Variants in ZNF714 observed in about 807,000 individuals in gnomAD.
The protein encoded by ZNF714 is zinc finger protein 714.
A neutral mutation model predicts 46.2 loss-of-function variants in ZNF714; 32 were observed. That is an observed-to-expected ratio of 0.69 (90% CI 0.52 to 0.93). The LOEUF (loss-of-function observed/expected upper bound fraction) is 0.93. Ranked by LOEUF, ZNF714 falls within the 40% of genes least tolerant of loss-of-function variation. The probability of loss-of-function intolerance (pLI) is 0.00; values close to 1 mark genes in which losing one functional copy is unlikely to be tolerated. For synonymous variants in ZNF714, 199 were observed against 213.1 expected (o/e 0.93, Z 0.58); for missense variants, 635 against 646.3 (o/e 0.98, Z 0.19).
At chr19:21,095,373 T>C (rs1320511071) in intron 2 of ZNF714, among the ~76,000 whole-genome samples, 1 of 152,140 alleles carries the variant, frequency 6.6e-6, no homozygotes, top group Non-Finnish European at 1.5e-5. Context: ...TCACCACCTG[T>C]TTCTTTGTTG....
rs961036136 is a variant in ZNF714 at position 21,119,163 on chromosome 19, G to T, written c.*831G>T. 28 of 442,926 alleles carry T rather than the reference G, an allele frequency of 6.3e-5. No individual in the cohort carries two copies. The highest frequency in any genetic ancestry group is 5.8e-4 in the African/African-American group (28 of 48,694). 27.4% of individuals were successfully genotyped at this position (442,926 alleles called of 1,614,324 possible). A position where few individuals can be genotyped will look rare whatever the true frequency, so the allele number is the denominator to read the frequency against. On this transcript the variant is annotated 3_prime_UTR_variant, in exon 5 of 5. Transcript: ENST00000456283. Reference sequence around the variant, plus strand: ...CTCAGGCCTATAATCCCAGCACTTTGGTAGGCCAAGGCAGGTGGATCATGA... The same window carrying T: ...CTCAGGCCTATAATCCCAGCACTTTTGTAGGCCAAGGCAGGTGGATCATGA...
In ZNF714 at chr19:21,123,578, A is replaced by G. The variant is rs1969745063; in HGVS notation, c.*5246A>G. Among the ~76,000 whole-genome samples the G allele has an allele frequency of 6.6e-6, 1 of 152,004 alleles. No individual in the cohort carries two copies. The highest frequency in any genetic ancestry group is 6.5e-5 in the Admixed American group (1 of 15,274). On this transcript the variant is annotated 3_prime_UTR_variant, in exon 5 of 5. Coordinates refer to ENST00000456283, the MANE Select transcript of ZNF714 (RefSeq NM_182515.4). ...CACCATGTTAGCCAGGATGGTCTCA[A>G]TCTCCTGACCTCGTGATCCGCCCGC... is the stretch of plus-strand genomic sequence containing the variant.
intron 2 of ZNF714, among the ~76,000 whole-genome samples, chr19:21,087,935 TC>T (rs1968820779): frequency 1.3e-5 from 2 of 152,238 alleles, no homozygotes; most frequent in Admixed American, 1.3e-4. Context: ...CAATGTTAAC[TC>T]TTAGCAACTT....
chr19:21,117,787 G>A lies in ZNF714; in HGVS notation c.1123G>A (p.Gly375Ser), dbSNP rs368728981. The A allele has an allele frequency of 2.5e-6, 4 of 1,613,374 alleles. No homozygotes were observed. Among genetic ancestry groups the A allele is most frequent in the Non-Finnish European group, 1.7e-6 (2 of 1,179,946 alleles). The change falls in exon 5 of 5, where the codon GGC becomes AGC. Residue 375 changes from glycine (G) to serine (S), a missense_variant. Transcript: ENST00000456283. ...GAAACCCTACAAATGTGAAGAATGTGGCAAAGCCTTTAACCACTCCTCAAA... is the reference window on the plus strand; with the variant it reads ...GAAACCCTACAAATGTGAAGAATGTAGCAAAGCCTTTAACCACTCCTCAAA... ...GEKPYKCEEC[G>S]KAFNHSSKLT...
At chr19:21,107,601 T>C (rs1201464052) in intron 4 of ZNF714, among the ~76,000 whole-genome samples, 1 of 139,872 alleles carries the variant, frequency 7.1e-6, no homozygotes, top group African/African-American at 3.4e-5. Context: ...ATATTGAATT[T>C]GTTTCCCACT....
rs148951008 is a variant in ZNF714 at position 21,117,907 on chromosome 19, C to G, written c.1243C>G (p.His415Asp). The part of the protein sequence containing the change: ...AFNQSSNLTK[H>D]KIIHTGEKLY... ...TAACCAATCCTCAAACCTTACCAAA[C>G]ATAAGATAATTCATACTGGAGAGAA... The change falls in exon 5 of 5, where the codon CAT becomes GAT. Residue 415 changes from histidine to aspartate, a missense_variant. By Grantham distance (81) the His-to-Asp change is moderately conservative (BLOSUM62 -1). Coordinates refer to ENST00000456283, the MANE Select transcript of ZNF714 (RefSeq NM_182515.4). The G allele has an allele frequency of 1.2e-6, 2 of 1,613,028 alleles. No individual in the cohort carries two copies. The highest frequency in any genetic ancestry group is 2.2e-5 in the South Asian group (2 of 91,044).
chr19:21,095,497 C>T (rs968890624), intron 2 of ZNF714, among the ~76,000 whole-genome samples: 2 of 151,466 alleles, frequency 1.3e-5, no homozygotes, highest in Non-Finnish European at 1.5e-5. Flanking sequence ...GAGTCTCGCT[C>T]TGTCACCCAG....
rs988846857 is a variant in ZNF714, at chr19:21,082,203, GTC to G, written c.-317_-316del. 2.5e-5 allele frequency: 22 copies of G among 869,444 alleles called. No homozygotes were observed. In the African/African-American group the frequency reaches 3.5e-4, roughly 14 times the overall value. 53.9% of individuals were successfully genotyped at this position (869,444 alleles called of 1,614,324 possible). ...GCTTCGGGGATGTGGCGGGGCCTTT[GTC>G]TCTCGCTGCAGCTGGAGCTGCAGGT... On this transcript the variant is annotated 5_prime_UTR_variant, in exon 1 of 5. Coordinates refer to ENST00000456283, the MANE Select transcript of ZNF714 (RefSeq NM_182515.4).
At chr19:21,088,473 A>C (rs2144823968) in intron 2 of ZNF714, among the ~76,000 whole-genome samples, 1 of 152,302 alleles carries the variant, frequency 6.6e-6, no homozygotes, top group African/African-American at 2.4e-5. Context: ...AAAGTCAAAG[A>C]ACCAATTTAT....
At chr19:21,082,376 G>GA in intron 1 of ZNF714, 28 bp downstream of exon 1, 3 of 1,456,712 alleles carry the variant, frequency 2.1e-6, no homozygotes, top group Non-Finnish European at 2.8e-6. Context: ...GACATCCCGA[G>GA]AGAGGGGAAG....
intron 2 of ZNF714, among the ~76,000 whole-genome samples, chr19:21,097,544 T>G (rs1200409293): frequency 6.6e-6 from 1 of 152,098 alleles, no homozygotes; most frequent in East Asian, 1.9e-4. Context: ...ACTATCACAT[T>G]TAATCTGGCA....
At position 21,117,915 on chromosome 19, in the gene ZNF714, A is replaced by G. The variant is rs371197928; in HGVS notation, c.1251A>G (p.Ile417Met). 8.4e-5 allele frequency: 136 copies of G among 1,612,942 alleles called. No homozygotes were observed. In the African/African-American group the frequency reaches 1.7e-3, roughly 20 times the overall value. ...NQSSNLTKHK[I>M]IHTGEKLYKC... is the part of the protein sequence containing the mutation. Reference sequence around the variant, plus strand: ...CCTCAAACCTTACCAAACATAAGATAATTCATACTGGAGAGAAACTCTACA... The same window carrying G: ...CCTCAAACCTTACCAAACATAAGATGATTCATACTGGAGAGAAACTCTACA... The change falls in exon 5 of 5, where the codon ATA becomes ATG. Residue 417 changes from isoleucine (I) to methionine (M), a missense_variant. Physicochemically the swap from Ile to Met is conservative, Grantham distance 10 (BLOSUM62 1). Transcript: ENST00000456283.
intron 2 of ZNF714, among the ~76,000 whole-genome samples, chr19:21,087,897 G>GT (rs1599527608): frequency 6.6e-6 from 1 of 152,128 alleles, no homozygotes; most frequent in Non-Finnish European, 1.5e-5. Context: ...ATGTAAAACT[G>GT]TTTTTTAGTA....
intron 2 of ZNF714, among the ~76,000 whole-genome samples, chr19:21,097,792 A>G (rs1022909010): frequency 9.9e-5 from 15 of 151,828 alleles, no homozygotes; most frequent in Admixed American, 6.6e-5. Context: ...AAAAAAAAAA[A>G]GCTTCACAAC....
chr19:21,097,779 GA>G (rs797014916), intron 2 of ZNF714, among the ~76,000 whole-genome samples: 1,407 of 135,254 alleles, frequency 0.01, 18 homozygotes, highest in African/African-American at 0.031. Context: ...ATCTTCTGGG[GA>G]AAAAAAAAAA....
chr19:21,110,258 GTTGTT>G (rs1969420772), intron 4 of ZNF714, among the ~76,000 whole-genome samples: 1 of 152,154 alleles, frequency 6.6e-6, no homozygotes, highest in South Asian at 2.1e-4. Context: ...ACCAACATCT[GTTGTT>G]TCTTGGCTTT....
intron 2 of ZNF714, among the ~76,000 whole-genome samples, chr19:21,093,755 A>G (rs1420991209): frequency 2.6e-5 from 4 of 151,494 alleles, no homozygotes; most frequent in African/African-American, 9.7e-5. Context: ...TCAGCCCCCT[A>G]AGTAACTGGG....
chr19:21,091,317 G>T (rs997155497), intron 2 of ZNF714: 4 of 152,170 alleles, frequency 2.6e-5, no homozygotes, highest in African/African-American at 9.7e-5. Context: ...TAATTTTGGT[G>T]GGTTTTATCC....
In ZNF714 at chr19:21,122,685, T is replaced by A. The variant is rs971470928; in HGVS notation, c.*4353T>A. The A allele has an allele frequency of 3.3e-5, 5 of 152,214 alleles. No homozygotes were observed. The highest frequency in any genetic ancestry group is 5.9e-5 in the Non-Finnish European group (4 of 68,034). The allele number at this position is 152,214 out of a possible 1,614,324, so 9.4% of individuals were successfully genotyped here. On this transcript the variant is annotated 3_prime_UTR_variant, in exon 5 of 5. Transcript: ENST00000456283. ...CTCGTATGTATTTTCCAACTATGTA[T>A]GCATCACAGCCCTTCTTTTTCTGAG...
Sources: gnomAD v4.1 joint callset for allele counts (sites outside exome capture counted in the v4.1 genomes callset) on GRCh38, gnomAD v4.1.1 for gene constraint, MANE v1.5 for transcripts, NCBI Gene and HGNC (gene_info 2026-07-23, HGNC 2026-07-21) for gene names.